Variants in ANTXR1 observed in about 807,000 individuals in gnomAD.
ANTXR1 encodes anthrax toxin receptor 1.
In ANTXR1, 19 loss-of-function variants were observed where a neutral mutation model predicts 78.1. The ratio of observed to expected loss-of-function variants is 0.24; its 90% CI spans 0.17 to 0.36. The LOEUF is 0.36. Ranked by LOEUF, ANTXR1 falls within the 10% of genes least tolerant of loss-of-function variation. ANTXR1 has a pLI of 1.00. For missense variants in ANTXR1, 518 were observed against 718.6 expected (o/e 0.72, Z 3.19); for synonymous variants, 273 against 260.5 (o/e 1.05, Z -0.46).
At chr2:69,151,634 C>G (rs1673401102) in intron 12 of ANTXR1, among the ~76,000 whole-genome samples, 1 of 152,192 alleles carries the variant, frequency 6.6e-6, no homozygotes, top group African/African-American at 2.4e-5. Flanking sequence ...GCAGCCGTTG[C>G]TCTGCCCCCA....
intron 12 of ANTXR1, chr2:69,145,242 A>G: frequency 2.2e-6 from 3 of 1,383,416 alleles, no homozygotes; most frequent in Non-Finnish European, 3.0e-6. Flanking sequence ...CCTCACTTGC[A>G]TGGGTCCCTG....
intron 13 of ANTXR1, among the ~76,000 whole-genome samples, chr2:69,166,823 A>G (rs534490811): frequency 6.6e-6 from 1 of 152,354 alleles, no homozygotes; most frequent in African/African-American, 2.4e-5. Flanking sequence ...TCTAGCTTGC[A>G]TTCTAGTTGG....
intron 17 of ANTXR1, among the ~76,000 whole-genome samples, chr2:69,215,362 A>G (rs990642179): frequency 1.3e-5 from 2 of 152,240 alleles, no homozygotes; most frequent in Non-Finnish European, 2.9e-5. Flanking sequence ...GAGTCCAAGC[A>G]TCATGAAGCC....
intron 12 of ANTXR1, chr2:69,145,323 A>G (rs1399861586): frequency 6.3e-7 from 1 of 1,590,674 alleles, no homozygotes; most frequent in African/African-American, 1.3e-5. Flanking sequence ...CTCTTTCTTA[A>G]AGAGCCTCCA....
chr2:69,123,592 G>A (rs1672426685), intron 11 of ANTXR1, among the ~76,000 whole-genome samples: 1 of 152,192 alleles, frequency 6.6e-6, no homozygotes, highest in Admixed American at 6.5e-5. Flanking sequence ...GCCTTCTGAT[G>A]TCCCACACGG....
At chr2:69,140,334 T>A (rs914891419) in intron 12 of ANTXR1, among the ~76,000 whole-genome samples, 2 of 152,388 alleles carry the variant, frequency 1.3e-5, no homozygotes, top group Non-Finnish European at 2.9e-5. Flanking sequence ...TACATCCATA[T>A]GATTTCTGCT....
intron 13 of ANTXR1, among the ~76,000 whole-genome samples, chr2:69,168,062 C>T (rs1190419156): frequency 2.6e-5 from 4 of 152,218 alleles, no homozygotes; most frequent in Non-Finnish European, 4.4e-5. Context: ...CTGCTACTGA[C>T]TCCCCCAAAA....
Position 69,180,586 on chromosome 2 carries a change from CTTAA to C in ANTXR1, c.1090-1195_1090-1192del, listed in dbSNP as rs545107644. Among the ~76,000 whole-genome samples, 1,158 of 152,294 alleles carry C rather than the reference CTTAA, an allele frequency of 7.6e-3. 20 individuals carry two copies. The highest frequency in any genetic ancestry group is 0.025 in the African/African-American group (1,051 of 41,552). ...TTGTCACTGAGCTAAGTTGCAGACACTTAATTAACTGCTTTATTTGAGTCATCTT... is the reference window on the plus strand; with the variant it reads ...TTGTCACTGAGCTAAGTTGCAGACACTTAACTGCTTTATTTGAGTCATCTT... On this transcript the variant is annotated intron_variant, in intron 14 of 17. Coordinates refer to ENST00000303714, the MANE Select transcript of ANTXR1 (RefSeq NM_032208.3).
intron 12 of ANTXR1, among the ~76,000 whole-genome samples, chr2:69,143,639 T>C (rs3890787): frequency 0.32 from 49,140 of 151,900 alleles, 8,537 homozygotes; most frequent in African/African-American, 0.43. Flanking sequence ...GAAAGAAAAC[T>C]GGCCATGGAC....
chr2:69,111,918 G>A (rs1454572237), intron 10 of ANTXR1, among the ~76,000 whole-genome samples: 1 of 152,166 alleles, frequency 6.6e-6, no homozygotes, highest in Non-Finnish European at 1.5e-5. Context: ...GGAGGATCGA[G>A]GGCAGGAGAA....
chr2:69,167,189 TCATG>T (rs1673850317), intron 13 of ANTXR1, among the ~76,000 whole-genome samples: 1 of 152,190 alleles, frequency 6.6e-6, no homozygotes, highest in Non-Finnish European at 1.5e-5. Context: ...TAAGGCCACA[TCATG>T]TGGAACCTGT....
At chr2:69,046,461 T>C (rs1054282192) in intron 3 of ANTXR1, among the ~76,000 whole-genome samples, 1 of 152,236 alleles carries the variant, frequency 6.6e-6, no homozygotes, top group Admixed American at 6.5e-5. Flanking sequence ...TAGTTTCCTG[T>C]TCTGAAGAGA....
intron 3 of ANTXR1, among the ~76,000 whole-genome samples, chr2:69,057,507 T>C (rs1017503035): frequency 1.3e-5 from 2 of 152,226 alleles, no homozygotes; most frequent in African/African-American, 4.8e-5. Context: ...GATGTTACTA[T>C]CTATTGTCCT....
chr2:69,023,016 A>C (rs1369093524), intron 1 of ANTXR1, among the ~76,000 whole-genome samples: 6 of 152,154 alleles, frequency 3.9e-5, no homozygotes, highest in Admixed American at 6.5e-5. Context: ...TCCCTACATG[A>C]AATGTGCCTC....
At chr2:69,168,119 T>C (rs1673878062) in intron 13 of ANTXR1, among the ~76,000 whole-genome samples, 1 of 152,144 alleles carries the variant, frequency 6.6e-6, no homozygotes, top group Non-Finnish European at 1.5e-5. Flanking sequence ...ACTCAGTTCA[T>C]GAAATGCTGG....
At chr2:69,144,487 G>C (rs1262473310) in intron 12 of ANTXR1, among the ~76,000 whole-genome samples, 1 of 152,202 alleles carries the variant, frequency 6.6e-6, no homozygotes, top group Non-Finnish European at 1.5e-5. Context: ...CTCTGTACCA[G>C]AGAAAGGGGG....
At chr2:69,020,411 GTTTTGTTT>G (rs1009525388) in intron 1 of ANTXR1, among the ~76,000 whole-genome samples, 1 of 152,084 alleles carries the variant, frequency 6.6e-6, no homozygotes, top group Non-Finnish European at 1.5e-5. Flanking sequence ...GTTTTGTTTT[GTTTTGTTT>G]TGTTTTGTGT....
chr2:69,212,412 G>GC (rs1419768337), intron 17 of ANTXR1, among the ~76,000 whole-genome samples: 4 of 152,178 alleles, frequency 2.6e-5, no homozygotes, highest in African/African-American at 9.7e-5. Flanking sequence ...ATCCAAGGCA[G>GC]CTCCCAGGAG....
chr2:69,161,510 C>T (rs1317613979), intron 13 of ANTXR1, among the ~76,000 whole-genome samples: 3 of 152,218 alleles, frequency 2.0e-5, no homozygotes, highest in Non-Finnish European at 4.4e-5. Flanking sequence ...TGGATTCAGG[C>T]AGTCCTTGGC....
Sources: gnomAD v4.1 joint callset for allele counts (sites outside exome capture counted in the v4.1 genomes callset) on GRCh38, gnomAD v4.1.1 for gene constraint, MANE v1.5 for transcripts, NCBI Gene and HGNC (gene_info 2026-07-23, HGNC 2026-07-21) for gene names.